The following PSMD11 variants were observed in gnomAD, a reference collection of about 807,000 sequenced individuals.
PSMD11 encodes 26S proteasome non-ATPase regulatory subunit 11.
PSMD11 carries 5 observed loss-of-function variants against 62.3 expected under a neutral mutation model. The observed-to-expected ratio is 0.08, with a 90% CI of 0.04 to 0.17. PSMD11 has a LOEUF of 0.17. PSMD11 is among the 10% of genes least tolerant of loss of function. The probability of loss-of-function intolerance (pLI) is 1.00; values close to 1 mark genes in which losing one functional copy is unlikely to be tolerated. For synonymous variants in PSMD11, 191 were observed against 191.8 expected (o/e 1.00, Z 0.03); for missense variants, 310 against 512.9 (o/e 0.60, Z 3.82).
intron 5 of PSMD11, 151 bp from the exon 6 acceptor site, chr17:32,468,848 T>C (rs1908073202): frequency 1.7e-6 from 1 of 585,718 alleles, no homozygotes; most frequent in Non-Finnish European, 2.6e-6. Flanking sequence ...TAGTGGAAAA[T>C]TTAATTATTG....
At chr17:32,475,329 C>T (rs62065473) in intron 8 of PSMD11, among the ~76,000 whole-genome samples, 1 of 150,690 alleles carries the variant, frequency 6.6e-6, no homozygotes, top group Non-Finnish European at 1.5e-5. Flanking sequence ...CAAAAAGAGG[C>T]CCTTTTTTTT....
rs779012398 is a variant in PSMD11, at chr17:32,474,754, T to C, written c.789-10T>C. ...CTGCAGCAATTGACCAAGTATGTCT[T>C]TTTTTCTAGCCCAGAAGATGTCCAG... On this transcript the variant is annotated splice_polypyrimidine_tract_variant and intron_variant, in intron 7 of 13. Coordinates refer to ENST00000261712, the MANE Select transcript of PSMD11 (RefSeq NM_002815.4). 2.5e-6 allele frequency: 4 copies of C among 1,614,072 alleles called. No individual in the cohort carries two copies. In the Admixed American group the frequency reaches 5.0e-5, roughly 20 times the overall value.
At chr17:32,446,442 A>C (rs1423009314) in intron 1 of PSMD11, among the ~76,000 whole-genome samples, 4 of 152,160 alleles carry the variant, frequency 2.6e-5, no homozygotes, top group African/African-American at 9.7e-5. Context: ...CTTATCCCTA[A>C]CACACCCATC....
intron 9 of PSMD11, among the ~76,000 whole-genome samples, chr17:32,478,895 A>G (rs556365184): frequency 1.3e-4 from 19 of 151,836 alleles, no homozygotes; most frequent in African/African-American, 3.9e-4. Context: ...TTTTTGTTCT[A>G]TTTTGTATTT....
intron 5 of PSMD11, among the ~76,000 whole-genome samples, chr17:32,467,242 CTTTTTTTTTT>C (rs751751489): frequency 1.7e-5 from 2 of 120,536 alleles, no homozygotes; most frequent in African/African-American, 6.3e-5. Context: ...CATGCCCGGC[CTTTTTTTTTT>C]TTTTTTTTTT....
chr17:32,473,567 G>A (rs898830166), intron 6 of PSMD11, among the ~76,000 whole-genome samples: 3 of 151,576 alleles, frequency 2.0e-5, no homozygotes, highest in African/African-American at 7.3e-5. Context: ...GGCGTGAGCT[G>A]AAACCGTGCC....
At chr17:32,474,028 G>A in intron 7 of PSMD11, 83 bp downstream of exon 7, 1 of 1,523,846 alleles carries the variant, frequency 6.6e-7, no homozygotes, top group South Asian at 1.2e-5. Flanking sequence ...CCTGAGCAGG[G>A]AGTTTGGCCA....
At chr17:32,451,771 CTT>C in intron 2 of PSMD11, among the ~76,000 whole-genome samples, 1 of 152,172 alleles carries the variant, frequency 6.6e-6, no homozygotes. Context: ...CAGAGTCTCA[CTT>C]TGTCACCCAA....
intron 6 of PSMD11, among the ~76,000 whole-genome samples, chr17:32,471,366 G>C (rs1340495945): frequency 2.0e-5 from 3 of 152,184 alleles, no homozygotes; most frequent in Non-Finnish European, 4.4e-5. Context: ...AAGAAATACT[G>C]CTTAGCCATG....
intron 2 of PSMD11, among the ~76,000 whole-genome samples, chr17:32,450,246 C>A (rs1387401144): frequency 1.3e-5 from 2 of 151,644 alleles, no homozygotes; most frequent in African/African-American, 4.8e-5. Context: ...TAGGCATGAG[C>A]CACTGTGCCT....
chr17:32,479,622 G>A, intron 10 of PSMD11: 1 of 700,370 alleles, frequency 1.4e-6, no homozygotes, highest in East Asian at 2.7e-5. Context: ...GTCACTGCAT[G>A]TGTTGTACCT....
chr17:32,480,709 T>C, intron 13 of PSMD11, 44 bp from the exon 14 acceptor site: 4 of 1,509,246 alleles, frequency 2.7e-6, no homozygotes, highest in Non-Finnish European at 3.6e-6. Flanking sequence ...CCTCCTGGTG[T>C]CCTCATGGCT....
intron 6 of PSMD11, among the ~76,000 whole-genome samples, chr17:32,472,608 G>C (rs1449273591): frequency 1.3e-5 from 2 of 151,124 alleles, no homozygotes; most frequent in Non-Finnish European, 2.9e-5. Flanking sequence ...CGTGATCTCA[G>C]CTCACTGCAA....
intron 1 of PSMD11, chr17:32,445,003 A>C: frequency 4.1e-6 from 1 of 245,924 alleles, no homozygotes; most frequent in Non-Finnish European, 7.8e-6. Flanking sequence ...CTCTACTTGA[A>C]AGGCCTTGGC....
chr17:32,461,372 C>T (rs559963249), intron 3 of PSMD11, among the ~76,000 whole-genome samples: 17 of 152,074 alleles, frequency 1.1e-4, no homozygotes, highest in Non-Finnish European at 1.6e-4. Context: ...CCACTGTGCC[C>T]GACCCACAAT....
At chr17:32,464,873 A>G (rs1381000636) in intron 5 of PSMD11, among the ~76,000 whole-genome samples, 1 of 152,204 alleles carries the variant, frequency 6.6e-6, no homozygotes, top group Non-Finnish European at 1.5e-5. Context: ...AAGTGTATCT[A>G]TATTTTGCAT....
At chr17:32,468,507 G>A (rs945153565) in intron 5 of PSMD11, among the ~76,000 whole-genome samples, 1 of 152,158 alleles carries the variant, frequency 6.6e-6, no homozygotes, top group Non-Finnish European at 1.5e-5. Flanking sequence ...TATGTATATG[G>A]TGTAAGTCTG....
rs373968085 is a variant in PSMD11, at chr17:32,475,405, C to T, written c.849+581C>T. ...TCTGAGAGCAGACAGTTAGGACCTA[C>T]GCAAAGATGACGTCTAGACTGTCTC... On this transcript the variant is annotated intron_variant, in intron 8 of 13. Coordinates refer to ENST00000261712, the MANE Select transcript of PSMD11 (RefSeq NM_002815.4). 1.5e-3 allele frequency among the ~76,000 whole-genome samples: 234 copies of T among 151,600 alleles called. 1 individual carries two copies. In the South Asian group the frequency reaches 0.028, roughly 18 times the overall value.
At chr17:32,473,443 A>T (rs978681499) in intron 6 of PSMD11, among the ~76,000 whole-genome samples, 4 of 151,244 alleles carry the variant, frequency 2.6e-5, no homozygotes, top group African/African-American at 9.7e-5. Context: ...CACCCAGCTA[A>T]TTTTTTTTGT....
Sources: allele counts gnomAD v4.1 joint callset (sites outside exome capture counted in the v4.1 genomes callset), GRCh38; gene constraint gnomAD v4.1.1; transcripts MANE v1.5; gene names NCBI Gene and HGNC (gene_info 2026-07-23, HGNC 2026-07-21).